Variants in THBS4 observed in about 807,000 individuals in gnomAD.
The protein encoded by THBS4 is thrombospondin 4.
In THBS4, 90 loss-of-function variants were observed where a neutral mutation model predicts 115.7. That is an observed-to-expected ratio of 0.78 (90% CI 0.66 to 0.93). THBS4 has a LOEUF of 0.93. THBS4 is among the 40% of genes least tolerant of loss of function. The probability of loss-of-function intolerance (pLI) is 0.00; values close to 1 mark genes in which losing one functional copy is unlikely to be tolerated. For synonymous variants in THBS4, 460 were observed against 479.3 expected (o/e 0.96, Z 0.53); for missense variants, 1,087 against 1,232.7 (o/e 0.88, Z 1.77).
At chr5:80,012,250 T>C (rs531015696) in intron 2 of THBS4, among the ~76,000 whole-genome samples, 1 of 152,278 alleles carries the variant, frequency 6.6e-6, no homozygotes, top group East Asian at 1.9e-4. Flanking sequence ...TGCCACTGAT[T>C]GAACCAGGGA....
In THBS4 at chr5:80,071,129, A is replaced by G; in HGVS notation, c.1669A>G (p.Thr557Ala). The stretch of plus-strand genomic sequence containing the variant: ...TGTCTTAAATAACGACCAGAAAGAC[A>G]CCGATGGGGATGGAAGAGGAGATGC... ...LSVLNNDQKD[T>A]DGDGRGDACD... Residue 557 changes from threonine (T) to alanine (A), a missense_variant, in exon 13 of 22, where the codon ACC (threonine) becomes GCC (alanine). Thr to Ala is a moderately conservative substitution (Grantham distance 58). Transcript: ENST00000350881. 6.2e-7 allele frequency: 1 copy of G among 1,607,684 alleles called. No homozygotes were observed. The highest frequency in any genetic ancestry group is 8.5e-7 in the Non-Finnish European group (1 of 1,178,452).
intron 2 of THBS4, among the ~76,000 whole-genome samples, chr5:80,047,612 A>G (rs940320483): frequency 8.0e-5 from 12 of 150,722 alleles, no homozygotes; most frequent in African/African-American, 2.7e-4. Context: ...ATTCAAGACC[A>G]GTCTGGGTAA....
chr5:80,031,242 G>T (rs546391630), upstream of THBS4, among the ~76,000 whole-genome samples: 4 of 152,264 alleles, frequency 2.6e-5, no homozygotes, highest in South Asian at 4.2e-4. Flanking sequence ...TGTGGTGAGG[G>T]TTCCTGTACA....
intron 17 of THBS4, 154 bp from the exon 18 acceptor site, chr5:80,078,767 A>T (rs987073521): frequency 8.0e-6 from 5 of 624,614 alleles, no homozygotes; most frequent in Non-Finnish European, 1.3e-5. Context: ...TTGAGCACAT[A>T]ACACAATAGA....
In THBS4 at chr5:80,078,908, ACTCT is replaced by A; in HGVS notation, c.2266-8_2266-5del. 1 of 1,613,122 alleles carries A rather than the reference ACTCT, an allele frequency of 6.2e-7. No individual in the cohort carries two copies. The highest frequency in any genetic ancestry group is 8.5e-7 in the Non-Finnish European group (1 of 1,179,368). On this transcript the variant is annotated splice_polypyrimidine_tract_variant and intron_variant, in intron 17 of 21. Coordinates refer to ENST00000350881, the MANE Select transcript of THBS4 (RefSeq NM_003248.6). ...TTCAAGACTGTTCTGAACTCCCTCAACTCTCTCTGCAGGGCATGGAGATTGTACA... is the reference window on the plus strand; with the variant it reads ...TTCAAGACTGTTCTGAACTCCCTCAACTCTGCAGGGCATGGAGATTGTACA...
chr5:80,064,694 T>C (rs1833752029), intron 8 of THBS4, among the ~76,000 whole-genome samples: 1 of 152,028 alleles, frequency 6.6e-6, no homozygotes, highest in Non-Finnish European at 1.5e-5. Flanking sequence ...ATTGTGCCAC[T>C]GCACTCCAGC....
At chr5:80,059,517 C>T (rs757576712) in intron 6 of THBS4, 26 bp downstream of exon 6, 16 of 1,613,662 alleles carry the variant, frequency 9.9e-6, no homozygotes, top group Middle Eastern at 1.6e-4. Context: ...GTAATGGGCT[C>T]GCCTGAGTTG....
At chr5:80,048,294 T>A (rs1369986188) in intron 2 of THBS4, among the ~76,000 whole-genome samples, 3 of 152,146 alleles carry the variant, frequency 2.0e-5, no homozygotes, top group Admixed American at 1.3e-4. Context: ...GATCCAAAAG[T>A]GAAATGGACT....
chr5:80,056,105 C>A, intron 3 of THBS4, 73 bp downstream of exon 3: 2 of 1,480,314 alleles, frequency 1.4e-6, no homozygotes, highest in Non-Finnish European at 1.8e-6. Context: ...GAGGAGCGTG[C>A]TGAGAAATTC....
intron 2 of THBS4, among the ~76,000 whole-genome samples, chr5:80,006,852 T>C (rs1215627017): frequency 6.6e-6 from 1 of 152,234 alleles, no homozygotes; most frequent in Non-Finnish European, 1.5e-5. Context: ...AATCTATGCA[T>C]GTAACAAAAT....
intron 20 of THBS4, chr5:80,080,290 A>T: frequency 1.7e-6 from 1 of 573,754 alleles, no homozygotes; most frequent in Non-Finnish European, 3.1e-6. Flanking sequence ...TAGGACCAAG[A>T]TGGGGATAGA....
chr5:80,048,632 ATGTGTGTGTG>A (rs56183875), intron 2 of THBS4, among the ~76,000 whole-genome samples: 5 of 147,274 alleles, frequency 3.4e-5, no homozygotes, highest in Admixed American at 1.4e-4. Flanking sequence ...CACTAGATAG[ATGTGTGTGTG>A]TGTGTGTGTG....
intron 2 of THBS4, among the ~76,000 whole-genome samples, chr5:80,053,993 A>C (rs1340438579): frequency 1.3e-5 from 2 of 152,170 alleles, no homozygotes. Flanking sequence ...TCAGGACAAT[A>C]ATGGAGTAAA....
chr5:80,049,793 T>A lies in THBS4; in HGVS notation c.293-5992T>A, dbSNP rs1393101174. 6.6e-5 allele frequency among the ~76,000 whole-genome samples: 10 copies of A among 152,174 alleles called. No individual in the cohort carries two copies. The East Asian group carries it at 1.9e-3, about 29-fold the overall frequency. On this transcript the variant is annotated intron_variant, in intron 2 of 21. Transcript: ENST00000350881. ...ACATTATTTAGAATCCACTAGGGAG[T>A]TATTGAAGGATTTCATTTGCTTGCT...
intron 2 of THBS4, among the ~76,000 whole-genome samples, chr5:80,001,707 C>G (rs1251504989): frequency 6.6e-6 from 1 of 152,016 alleles, no homozygotes; most frequent in Admixed American, 6.6e-5. Context: ...CTGAGAACTA[C>G]GTATAATTCA....
chr5:80,082,334 C>T (rs1439521590), intron 20 of THBS4, 72 bp from the exon 21 acceptor site: 2 of 1,588,204 alleles, frequency 1.3e-6, no homozygotes, highest in Non-Finnish European at 1.7e-6. Flanking sequence ...AAGTGGGGCC[C>T]CTGGGCCTCA....
intron 1 of THBS4, among the ~76,000 whole-genome samples, chr5:80,038,305 C>T (rs879675703): frequency 3.3e-5 from 5 of 151,650 alleles, no homozygotes; most frequent in Non-Finnish European, 7.4e-5. Context: ...AATGGAATTA[C>T]GTTATACATA....
At chr5:80,029,448 A>C (rs1056557784) in intron 2 of THBS4, among the ~76,000 whole-genome samples, 1 of 151,968 alleles carries the variant, frequency 6.6e-6, no homozygotes, top group African/African-American at 2.4e-5. Flanking sequence ...AAATGTATAC[A>C]TAATTATTAA....
chr5:80,012,148 T>G (rs1832140181), intron 2 of THBS4, among the ~76,000 whole-genome samples: 1 of 151,542 alleles, frequency 6.6e-6, no homozygotes, highest in Non-Finnish European at 1.5e-5. Flanking sequence ...TAAATAAAAT[T>G]TAAAAGTAAA....
Sources: gnomAD v4.1 joint callset for allele counts (sites outside exome capture counted in the v4.1 genomes callset) on GRCh38, gnomAD v4.1.1 for gene constraint, MANE v1.5 for transcripts, NCBI Gene and HGNC (gene_info 2026-07-23, HGNC 2026-07-21) for gene names.